The following SEMA5A variants were observed in gnomAD, a reference collection of about 807,000 sequenced individuals.
SEMA5A encodes the protein semaphorin-5A.
Under a neutral mutation model 135.5 loss-of-function variants are expected in SEMA5A, and 55 were observed. The observed-to-expected ratio is 0.41, with a 90% CI of 0.33 to 0.51. The LOEUF (loss-of-function observed/expected upper bound fraction) is 0.51. Among genes scored for constraint, SEMA5A ranks in the 20% least tolerant of loss-of-function variants. SEMA5A has a pLI of 0.37. For missense variants in SEMA5A, 1,290 were observed against 1,419.9 expected (o/e 0.91, Z 1.47); for synonymous variants, 580 against 546.5 (o/e 1.06, Z -0.85).
chr5:9,490,211 T>C (rs968549719), intron 1 of SEMA5A, among the ~76,000 whole-genome samples: 3 of 152,156 alleles, frequency 2.0e-5, no homozygotes, highest in Non-Finnish European at 4.4e-5. Flanking sequence ...ATGGATGCAA[T>C]TTGAGAATAC....
chr5:9,125,597 T>C lies in SEMA5A; in HGVS notation c.1600-2760A>G, dbSNP rs138055672. On this transcript the variant is annotated intron_variant, in intron 13 of 22. Transcript: ENST00000382496. Reference sequence around the variant, plus strand: ...ATTTATGAGTGAGAACATGCAGCACTTGGTTTTCTGTTAGAGCAATTCTAA... The same window carrying C: ...ATTTATGAGTGAGAACATGCAGCACCTGGTTTTCTGTTAGAGCAATTCTAA... 4.1e-3 allele frequency among the ~76,000 whole-genome samples: 617 copies of C among 152,180 alleles called. 8 individuals carry two copies. Among genetic ancestry groups the C allele is most frequent in the East Asian group, 6.8e-3 (35 of 5,162 alleles).
At chr5:9,118,476 G>A (rs1740636957) in intron 15 of SEMA5A, among the ~76,000 whole-genome samples, 1 of 152,098 alleles carries the variant, frequency 6.6e-6, no homozygotes, top group Non-Finnish European at 1.5e-5. Context: ...CAAAATACAC[G>A]TGGAAAAGAG....
At chr5:9,400,258 C>T (rs1422959173) in intron 2 of SEMA5A, among the ~76,000 whole-genome samples, 2 of 152,130 alleles carry the variant, frequency 1.3e-5, no homozygotes, top group East Asian at 3.9e-4. Flanking sequence ...CAAACCACCA[C>T]AGCATATGTA....
At chr5:9,221,294 A>ATTTTCT (rs1746941837) in intron 8 of SEMA5A, among the ~76,000 whole-genome samples, 1 of 128,142 alleles carries the variant, frequency 7.8e-6, no homozygotes, top group Non-Finnish European at 1.6e-5. Context: ...GCATCCGAAC[A>ATTTTCT]TTTTCTTTTT....
intron 1 of SEMA5A, among the ~76,000 whole-genome samples, chr5:9,442,177 G>C (rs376458911): frequency 2.4e-4 from 37 of 152,326 alleles, no homozygotes; most frequent in South Asian, 2.1e-4. Context: ...CTTTGTTTTG[G>C]GGGGGCTTTA....
intron 3 of SEMA5A, among the ~76,000 whole-genome samples, chr5:9,339,175 T>C (rs547536354): frequency 1.3e-5 from 2 of 152,330 alleles, no homozygotes; most frequent in South Asian, 4.1e-4. Context: ...CAGGACTTTA[T>C]AATTCAGTTA....
intron 2 of SEMA5A, among the ~76,000 whole-genome samples, chr5:9,428,421 A>G (rs985086678): frequency 2.0e-5 from 3 of 152,162 alleles, no homozygotes; most frequent in African/African-American, 4.8e-5. Context: ...TCAAATGCTC[A>G]CTTTAAGAAA....
At chr5:9,315,986 AG>A (rs1448415074) in intron 5 of SEMA5A, among the ~76,000 whole-genome samples, 1 of 152,186 alleles carries the variant, frequency 6.6e-6, no homozygotes, top group Non-Finnish European at 1.5e-5. Flanking sequence ...ATCGATTTTT[AG>A]TATAATGGTT....
In SEMA5A at chr5:9,202,033, G is replaced by A. The variant is rs1460062479; in HGVS notation, c.854C>T (p.Pro285Leu). The change falls in exon 9 of 23, where the codon CCC (proline) becomes CTC (leucine). Residue 285 changes from proline (P) to leucine (L), a missense_variant. Pro to Leu is a moderately conservative substitution (Grantham distance 98). This residue lies in a region of SEMA5A where 1,029 missense variants were observed against 1,086.6 expected (regional missense o/e 0.95). Coordinates refer to ENST00000382496, the MANE Select transcript of SEMA5A (RefSeq NM_003966.3). ...ACTCTGCAATTCGTTGTAGTAAAAG[G>A]GGACTTCCCCAGGACGGGAGCAGTT... ...RLNCSRPGEV[P>L]FYYNELQSTF... 1 of 1,614,164 alleles carries A rather than the reference G, an allele frequency of 6.2e-7. No individual in the cohort carries two copies. The highest frequency in any genetic ancestry group is 8.5e-7 in the Non-Finnish European group (1 of 1,180,024).
chr5:9,081,428 A>G (rs1027045122), intron 16 of SEMA5A, among the ~76,000 whole-genome samples: 1 of 152,208 alleles, frequency 6.6e-6, no homozygotes, highest in African/African-American at 2.4e-5. Context: ...GTGTATATAC[A>G]TACATATGTG....
At chr5:9,430,135 T>C (rs558965479) in intron 2 of SEMA5A, among the ~76,000 whole-genome samples, 1 of 152,252 alleles carries the variant, frequency 6.6e-6, no homozygotes, top group African/African-American at 2.4e-5. Context: ...ACAGCTGGGA[T>C]GTGGGGTGAC....
chr5:9,468,997 T>TTTTGTTTTGA (rs1441253280), intron 1 of SEMA5A, among the ~76,000 whole-genome samples: 2 of 151,946 alleles, frequency 1.3e-5, no homozygotes, highest in African/African-American at 4.8e-5. Context: ...CAATGGATTT[T>TTTTGTTTTGA]TTTGTTTTGT....
intron 5 of SEMA5A, among the ~76,000 whole-genome samples, chr5:9,248,554 G>A (rs1376957277): frequency 8.2e-4 from 24 of 29,310 alleles, no homozygotes; most frequent in Non-Finnish European, 1.7e-3. Flanking sequence ...TAACTCATAC[G>A]GCAAAAAAAA....
At chr5:9,305,727 T>TG (rs398108587) in intron 5 of SEMA5A, among the ~76,000 whole-genome samples, 3 of 106,850 alleles carry the variant, frequency 2.8e-5, no homozygotes, top group African/African-American at 1.1e-4. Flanking sequence ...TATATATATA[T>TG]TTACACGCAC....
intron 1 of SEMA5A, among the ~76,000 whole-genome samples, chr5:9,480,831 T>G (rs995597838): frequency 2.0e-5 from 3 of 152,238 alleles, no homozygotes; most frequent in Non-Finnish European, 4.4e-5. Flanking sequence ...GGATGAATTA[T>G]ATCAGGTAAA....
At chr5:9,530,863 G>A (rs978503317) in intron 1 of SEMA5A, among the ~76,000 whole-genome samples, 2 of 152,144 alleles carry the variant, frequency 1.3e-5, no homozygotes, top group East Asian at 1.9e-4. Flanking sequence ...TACAAAATCG[G>A]AGGGAGAGAG....
At chr5:9,342,187 C>T (rs1753683272) in intron 3 of SEMA5A, among the ~76,000 whole-genome samples, 1 of 151,768 alleles carries the variant, frequency 6.6e-6, no homozygotes, top group Non-Finnish European at 1.5e-5. Context: ...CTAAATATAG[C>T]CAAGGTAATG....
intron 5 of SEMA5A, among the ~76,000 whole-genome samples, chr5:9,317,457 T>C (rs1369739244): frequency 6.6e-6 from 1 of 152,186 alleles, no homozygotes; most frequent in Admixed American, 6.5e-5. Context: ...AAGCCCTTGC[T>C]TTTTATCAAT....
intron 5 of SEMA5A, among the ~76,000 whole-genome samples, chr5:9,306,939 C>A (rs971870419): frequency 1.3e-5 from 2 of 152,168 alleles, no homozygotes; most frequent in Admixed American, 1.3e-4. Flanking sequence ...AATTCTTAGG[C>A]AATGAATTGC....
Sources: allele counts gnomAD v4.1 joint callset (sites outside exome capture counted in the v4.1 genomes callset), GRCh38; gene constraint gnomAD v4.1.1; regional missense constraint gnomAD v4.1.1; transcripts MANE v1.5; gene names NCBI Gene and HGNC (gene_info 2026-07-23, HGNC 2026-07-21).